Variants in CDH18 observed in about 807,000 individuals in gnomAD.
CDH18 encodes cadherin-18.
In CDH18, 31 loss-of-function variants were observed where a neutral mutation model predicts 67.9. The observed-to-expected ratio is 0.46, with a 90% CI of 0.34 to 0.62. The LOEUF is 0.62. Ranked by LOEUF, CDH18 falls within the 20% of genes least tolerant of loss-of-function variation. The pLI, the probability that CDH18 is intolerant of heterozygous loss-of-function variation, is 0.01. For missense variants in CDH18, 890 were observed against 975.5 expected, an observed-to-expected ratio of 0.91 and a Z score of 1.17; for synonymous variants, 362 against 347.2, an observed-to-expected ratio of 1.04 and a Z score of -0.48.
intron 2 of CDH18, among the ~76,000 whole-genome samples, chr5:20,063,040 G>A (rs73055540): frequency 0.029 from 4,233 of 148,354 alleles, 200 homozygotes; most frequent in African/African-American, 0.099. Context: ...CCAGGCTGGG[G>A]TACACCAATA....
At chr5:19,671,179 G>C (rs116275581) in intron 5 of CDH18, among the ~76,000 whole-genome samples, 3,052 of 152,100 alleles carry the variant, frequency 0.02, 45 homozygotes, top group Middle Eastern at 0.048. Context: ...AAAGTTCAGG[G>C]ACAGGGACTG....
intron 5 of CDH18, among the ~76,000 whole-genome samples, chr5:19,642,672 C>A (rs1754182305): frequency 6.6e-6 from 1 of 151,690 alleles, no homozygotes; most frequent in African/African-American, 2.4e-5. Flanking sequence ...AACGTCTACC[C>A]AAAATGGATT....
chr5:20,039,930 AT>A (rs1029347727), intron 2 of CDH18, among the ~76,000 whole-genome samples: 2 of 152,174 alleles, frequency 1.3e-5, no homozygotes, highest in African/African-American at 4.8e-5. Context: ...ATGGGAAAAA[AT>A]TTTTGCAATC....
At chr5:19,585,418 A>G (rs1387035184) in intron 7 of CDH18, among the ~76,000 whole-genome samples, 1 of 152,148 alleles carries the variant, frequency 6.6e-6, no homozygotes, top group African/African-American at 2.4e-5. Flanking sequence ...GCACCCATAC[A>G]CATCCTCACT....
chr5:19,941,021 A>T (rs1385083917), intron 2 of CDH18, among the ~76,000 whole-genome samples: 1 of 152,112 alleles, frequency 6.6e-6, no homozygotes, highest in Non-Finnish European at 1.5e-5. Flanking sequence ...AAGTCTTTAA[A>T]CTAAATGTTT....
At chr5:19,870,973 T>A (rs1415031821) in intron 2 of CDH18, among the ~76,000 whole-genome samples, 1 of 152,166 alleles carries the variant, frequency 6.6e-6, no homozygotes, top group Admixed American at 6.6e-5. Context: ...TTAGCTGACA[T>A]CATTTGATCA....
intron 2 of CDH18, among the ~76,000 whole-genome samples, chr5:19,896,274 A>G (rs1789327164): frequency 6.6e-6 from 1 of 152,200 alleles, no homozygotes; most frequent in South Asian, 2.1e-4. Flanking sequence ...ATTTGAACCC[A>G]AGAAGCGGAG....
In CDH18 at chr5:19,694,351, TA is replaced by T. The variant is rs554692640; in HGVS notation, c.643+26995del. Among the ~76,000 whole-genome samples, 195 of 152,230 alleles carry T rather than the reference TA, an allele frequency of 1.3e-3. 1 individual carries two copies. Among genetic ancestry groups the T allele is most frequent in the African/African-American group, 4.5e-3 (189 of 41,550 alleles). Reference sequence around the variant, plus strand: ...TTTCTATTAAGGGACCTGAATGTTTTAAAAAGAGTATTAATGATAAAATGTT... The same window carrying T: ...TTTCTATTAAGGGACCTGAATGTTTTAAAAGAGTATTAATGATAAAATGTT... On this transcript the variant is annotated intron_variant, in intron 5 of 12. Coordinates refer to ENST00000382275, the MANE Select transcript of CDH18 (RefSeq NM_004934.5).
At chr5:20,520,686 T>C (rs1039412477) in intron 1 of CDH18, among the ~76,000 whole-genome samples, 1 of 152,128 alleles carries the variant, frequency 6.6e-6, no homozygotes, top group Admixed American at 6.6e-5. Context: ...AGATGAGCAA[T>C]TGGGTTAACA....
intron 5 of CDH18, among the ~76,000 whole-genome samples, chr5:19,619,699 T>A (rs1216755759): frequency 6.6e-6 from 1 of 152,178 alleles, no homozygotes. Context: ...GTTTAAATAA[T>A]TCTACTGCTG....
intron 1 of CDH18, among the ~76,000 whole-genome samples, chr5:20,536,460 A>G (rs1370798286): frequency 6.6e-6 from 1 of 152,196 alleles, no homozygotes; most frequent in African/African-American, 2.4e-5. Flanking sequence ...TGTTTGCTCA[A>G]ATAATGGATT....
intron 2 of CDH18, among the ~76,000 whole-genome samples, chr5:19,889,555 T>G (rs1193860008): frequency 6.6e-6 from 1 of 152,074 alleles, no homozygotes; most frequent in Non-Finnish European, 1.5e-5. Context: ...AAACCATTAC[T>G]GTCCTATTCT....
intron 5 of CDH18, among the ~76,000 whole-genome samples, chr5:19,652,663 T>A: frequency 6.6e-6 from 1 of 151,956 alleles, no homozygotes; most frequent in Non-Finnish European, 1.5e-5. Context: ...GAGGTGACGA[T>A]TGGCGTTTAT....
intron 2 of CDH18, among the ~76,000 whole-genome samples, chr5:20,068,466 T>C (rs1246651996): frequency 1.3e-5 from 2 of 151,982 alleles, no homozygotes; most frequent in Non-Finnish European, 2.9e-5. Context: ...CTGGTGAACA[T>C]AGGGTATATG....
intron 2 of CDH18, among the ~76,000 whole-genome samples, chr5:20,249,966 C>T (rs1019396595): frequency 6.6e-6 from 1 of 151,894 alleles, no homozygotes; most frequent in African/African-American, 2.4e-5. Context: ...ATGAAAATTA[C>T]AAACATGACT....
In CDH18 at chr5:20,028,145, T is replaced by A. The variant is rs1377152215; in HGVS notation, c.-517-36131A>T. Among the ~76,000 whole-genome samples the A allele has an allele frequency of 2.0e-5, 3 of 152,168 alleles. No homozygotes were observed. In the East Asian group the frequency reaches 5.8e-4, roughly 30 times the overall value. On this transcript the variant is annotated intron_variant, in intron 2 of 14. Coordinates refer to the CDH18 transcript ENST00000507958. Reference sequence around the variant, plus strand: ...ACATAATTGCGGTGTTTGTCATTACTTTTAATGGCAAAAACTGAAACTACT... The same window carrying A: ...ACATAATTGCGGTGTTTGTCATTACATTTAATGGCAAAAACTGAAACTACT...
At chr5:20,309,597 T>C (rs904377992) in intron 1 of CDH18, among the ~76,000 whole-genome samples, 1 of 152,222 alleles carries the variant, frequency 6.6e-6, no homozygotes, top group Admixed American at 6.5e-5. Context: ...GCCTAACTTG[T>C]TCAAAAAACA....
chr5:19,902,695 C>A (rs1221047332), intron 2 of CDH18, among the ~76,000 whole-genome samples: 3 of 152,202 alleles, frequency 2.0e-5, no homozygotes, highest in African/African-American at 4.8e-5. Flanking sequence ...TTGTTTCAAA[C>A]TGCCAAGTTT....
At chr5:19,888,512 T>C (rs2150076644) in intron 2 of CDH18, among the ~76,000 whole-genome samples, 1 of 152,094 alleles carries the variant, frequency 6.6e-6, no homozygotes, top group Non-Finnish European at 1.5e-5. Context: ...TTTATAAATG[T>C]ATATAAATTT....
Sources: allele counts gnomAD v4.1 joint callset (sites outside exome capture counted in the v4.1 genomes callset), GRCh38; gene constraint gnomAD v4.1.1; transcripts MANE v1.5; gene names NCBI Gene and HGNC (gene_info 2026-07-23, HGNC 2026-07-21).